Variants in LGR5 observed in about 807,000 individuals in gnomAD.
LGR5 encodes the protein leucine-rich repeat-containing G protein-coupled receptor 5.
In LGR5, 54 loss-of-function variants were observed where a neutral mutation model predicts 76.7. The observed-to-expected ratio is 0.70, with a 90% CI of 0.57 to 0.88. LGR5 has a LOEUF of 0.88. Among genes scored for constraint, LGR5 ranks in the 40% least tolerant of loss-of-function variants. LGR5 has a pLI of 0.00. For synonymous variants in LGR5, 406 were observed against 421.9 expected, an observed-to-expected ratio of 0.96 and a Z score of 0.46; for missense variants, 1,078 against 1,073.3, an observed-to-expected ratio of 1.00 and a Z score of -0.06.
chr12:71,575,722 A>ATATATGTGTG (rs1555176199), intron 13 of LGR5, among the ~76,000 whole-genome samples: 72 of 144,860 alleles, frequency 5.0e-4, no homozygotes, highest in African/African-American at 1.8e-3. Context: ...AAAAATATAT[A>ATATATGTGTG]TGTGTGTGTG....
chr12:71,445,514 T>A (rs1187957932), intron 1 of LGR5, among the ~76,000 whole-genome samples: 1 of 152,226 alleles, frequency 6.6e-6, no homozygotes, highest in African/African-American at 2.4e-5. Context: ...CAATTTCACC[T>A]ATGGAACTCT....
intron 11 of LGR5, among the ~76,000 whole-genome samples, chr12:71,570,597 G>A (rs1878563958): frequency 6.6e-6 from 1 of 152,096 alleles, no homozygotes. Flanking sequence ...GAGGTATTGG[G>A]TGGGGGGGTA....
intron 1 of LGR5, among the ~76,000 whole-genome samples, chr12:71,455,215 C>T (rs11178807): frequency 6.6e-6 from 1 of 152,118 alleles, no homozygotes; most frequent in East Asian, 1.9e-4. Flanking sequence ...AACCACTGAT[C>T]TGGGCCCAGC....
rs550655236 is a variant in LGR5 at position 71,494,061 on chromosome 12, A to G, written c.213-10553A>G. On this transcript the variant is annotated intron_variant, in intron 1 of 17. Transcript: ENST00000266674. ...CGGGTTCACGCCATTCTCCTGCCTCAGCCTCCTGAGTAGCTGGGACTACAG... is the reference window on the plus strand; with the variant it reads ...CGGGTTCACGCCATTCTCCTGCCTCGGCCTCCTGAGTAGCTGGGACTACAG... Among the ~76,000 whole-genome samples, 94 of 148,242 alleles carry G rather than the reference A, an allele frequency of 6.3e-4. 1 individual carries two copies. The highest frequency in any genetic ancestry group is 2.0e-3 in the Admixed American group (30 of 14,872).
In LGR5 at chr12:71,440,262, C is replaced by T; in HGVS notation, c.182C>T (p.Pro61Leu). ...DCSDLGLSELPSNLSVFTSYL... is the reference protein window; with the variant it reads ...DCSDLGLSELLSNLSVFTSYL... ...TCCGACCTGGGGCTCTCGGAGCTGCCTTCCAACCTCAGCGTCTTCACCTCC... is the reference window on the plus strand; with the variant it reads ...TCCGACCTGGGGCTCTCGGAGCTGCTTTCCAACCTCAGCGTCTTCACCTCC... Residue 61 changes from proline to leucine, a missense_variant, in exon 1 of 18, where the codon CCT becomes CTT. Coordinates refer to ENST00000266674, the MANE Select transcript of LGR5 (RefSeq NM_003667.4). This position sits in a 1 kb window ranked among gnomAD's most constrained non-coding sequence, Gnocchi z 5.3. 6.2e-7 allele frequency: 1 copy of T among 1,612,748 alleles called. No homozygotes were observed. Among genetic ancestry groups the T allele is most frequent in the Non-Finnish European group, 8.5e-7 (1 of 1,179,978 alleles).
At chr12:71,451,185 C>T (rs145187675) in intron 1 of LGR5, among the ~76,000 whole-genome samples, 4 of 152,258 alleles carry the variant, frequency 2.6e-5, no homozygotes. Flanking sequence ...AAGTGGGGTG[C>T]AGATCAGATG....
At chr12:71,554,735 T>G (rs912826952) in intron 5 of LGR5, among the ~76,000 whole-genome samples, 8 of 152,256 alleles carry the variant, frequency 5.3e-5, no homozygotes, top group African/African-American at 1.9e-4. Flanking sequence ...GTTGTATTTT[T>G]GCAGAAGTGG....
chr12:71,512,493 C>G (rs1405147781), intron 2 of LGR5, among the ~76,000 whole-genome samples: 1 of 152,126 alleles, frequency 6.6e-6, no homozygotes, highest in Non-Finnish European at 1.5e-5. Flanking sequence ...TACTAATGAC[C>G]AGCGGTTGTC....
At chr12:71,494,566 C>T (rs1874228884) in intron 1 of LGR5, among the ~76,000 whole-genome samples, 2 of 151,160 alleles carry the variant, frequency 1.3e-5, no homozygotes, top group Admixed American at 1.3e-4. Flanking sequence ...GCCACTGCAA[C>T]TTCAAATTAT....
At chr12:71,546,205 C>T (rs1261569163) in intron 4 of LGR5, among the ~76,000 whole-genome samples, 4 of 151,808 alleles carry the variant, frequency 2.6e-5, no homozygotes, top group Non-Finnish European at 5.9e-5. Context: ...ATACCAGCTA[C>T]TCAGGAGGCT....
chr12:71,482,765 C>T (rs1262821604), intron 1 of LGR5, among the ~76,000 whole-genome samples: 2 of 152,144 alleles, frequency 1.3e-5, no homozygotes, highest in African/African-American at 4.8e-5. Flanking sequence ...TCAATAGTGT[C>T]AAGACTGGGA....
chr12:71,521,474 G>A (rs1875725214), intron 2 of LGR5, among the ~76,000 whole-genome samples: 1 of 152,124 alleles, frequency 6.6e-6, no homozygotes, highest in South Asian at 2.1e-4. Flanking sequence ...TGTTGATGTT[G>A]TCTCACCAGT....
chr12:71,550,707 G>T (rs1172894531), intron 4 of LGR5, among the ~76,000 whole-genome samples: 4 of 151,954 alleles, frequency 2.6e-5, no homozygotes, highest in Non-Finnish European at 5.9e-5. Context: ...CAGGTGATCT[G>T]CCCCCCTCAG....
At chr12:71,477,107 C>T (rs1157877605) in intron 1 of LGR5, among the ~76,000 whole-genome samples, 1 of 151,962 alleles carries the variant, frequency 6.6e-6, no homozygotes, top group East Asian at 1.9e-4. Context: ...CCATAAAACC[C>T]TAAAAAGGGA....
rs1222530434 is a variant in LGR5 at position 71,559,637 on chromosome 12, C to T, written c.768C>T (p.Leu256=). 1 of 1,556,768 alleles carries T rather than the reference C, an allele frequency of 6.4e-7. No individual in the cohort carries two copies. The highest frequency in any genetic ancestry group is 8.9e-7 in the Non-Finnish European group (1 of 1,128,748). ...LDEFPTAIRT[L]SNLKELGFHS... ...AATTCCCCACTGCAATTAGGACACT[C>T]TCCAACCTTAAAGAACTGTAAGTAT... The change falls in exon 7 of 18, where the codon CTC becomes CTT. Residue 256 remains leucine, a synonymous_variant. Transcript: ENST00000266674.
chr12:71,578,711 G>T, intron 14 of LGR5, 93 bp from the exon 15 acceptor site: 1 of 1,267,868 alleles, frequency 7.9e-7, no homozygotes, highest in Admixed American at 2.5e-5. Context: ...TTTTTATTGA[G>T]TAGTTTAACG....
chr12:71,454,776 AACAC>A (rs35219754), intron 1 of LGR5, among the ~76,000 whole-genome samples: 7,650 of 146,950 alleles, frequency 0.052, 232 homozygotes, highest in Middle Eastern at 0.1. Flanking sequence ...CATAGACACA[AACAC>A]ACACACACAC....
rs746213778 is a variant in LGR5 at position 71,440,284 on chromosome 12, C to T, written c.204C>T (p.Thr68=). 4 of 1,610,680 alleles carry T rather than the reference C, an allele frequency of 2.5e-6. No homozygotes were observed. Among genetic ancestry groups the T allele is most frequent in the East Asian group, 4.5e-5 (2 of 44,888 alleles). Residue 68 remains threonine (T), a synonymous_variant, in exon 1 of 18, where the codon ACC becomes ACT. Transcript: ENST00000266674. The surrounding 1 kb of genome is among the most constrained non-coding windows in gnomAD (Gnocchi z 5.3). ...TGCCTTCCAACCTCAGCGTCTTCAC[C>T]TCCTACCTGTAAGTACTTCCCCACG... The part of the protein sequence containing the change: ...SELPSNLSVF[T]SYLDLSMNNI...
chr12:71,485,307 C>T (rs34294081), intron 1 of LGR5, among the ~76,000 whole-genome samples: 13,627 of 152,138 alleles, frequency 0.09, 655 homozygotes, highest in Non-Finnish European at 0.11. Flanking sequence ...TTAAAGAGTT[C>T]ATTTGTGTAA....
Sources: allele counts gnomAD v4.1 joint callset (sites outside exome capture counted in the v4.1 genomes callset), GRCh38; gene constraint gnomAD v4.1.1; non-coding constraint Gnocchi (gnomAD v3.1); transcripts MANE v1.5; gene names NCBI Gene and HGNC (gene_info 2026-07-23, HGNC 2026-07-21).